Variants in EOGT observed in about 807,000 individuals in gnomAD.
EOGT encodes EGF domain-specific O-linked N-acetylglucosamine transferase.
In EOGT, 55 loss-of-function variants were observed where a neutral mutation model predicts 70.5. The ratio of observed to expected loss-of-function variants is 0.78; its 90% CI spans 0.63 to 0.98. The LOEUF is 0.98. Among genes scored for constraint, EOGT ranks in the 50% least tolerant of loss-of-function variants. The pLI, the probability that EOGT is intolerant of heterozygous loss-of-function variation, is 0.00. For synonymous variants in EOGT, 246 were observed against 217.1 expected (o/e 1.13, Z -1.17); for missense variants, 703 against 641.9 (o/e 1.10, Z -1.03).
At chr3:69,007,842 T>G in intron 5 of EOGT, 21 bp from the exon 6 acceptor site, 2 of 1,545,278 alleles carry the variant, frequency 1.3e-6, no homozygotes, top group Non-Finnish European at 1.8e-6. Flanking sequence ...ATAAAAATAT[T>G]CTGTGTTTTT....
intron 14 of EOGT, among the ~76,000 whole-genome samples, chr3:68,986,439 T>C (rs1484895950): frequency 6.6e-6 from 1 of 152,168 alleles, no homozygotes; most frequent in Non-Finnish European, 1.5e-5. Context: ...CACCAAGGTC[T>C]AGGAGGCTGA....
chr3:68,994,896 A>G (rs1331546114), intron 10 of EOGT, among the ~76,000 whole-genome samples: 3 of 152,198 alleles, frequency 2.0e-5, no homozygotes, highest in Admixed American at 6.5e-5. Flanking sequence ...GTTTGATAAG[A>G]GCAACCCTGC....
intron 10 of EOGT, among the ~76,000 whole-genome samples, chr3:68,996,953 G>A (rs1415586881): frequency 6.6e-6 from 1 of 152,114 alleles, no homozygotes; most frequent in Non-Finnish European, 1.5e-5. Flanking sequence ...TGTGTACCAG[G>A]CATGGTGACT....
At chr3:69,012,899 G>C (rs773025633) in intron 1 of EOGT, 100 bp from the exon 2 acceptor site, 3 of 152,314 alleles carry the variant, frequency 2.0e-5, no homozygotes, top group Non-Finnish European at 4.4e-5. Context: ...GTCGCAGAGA[G>C]AGAGAGCTTG....
intron 6 of EOGT, among the ~76,000 whole-genome samples, chr3:69,006,443 G>A (rs2091442337): frequency 6.6e-6 from 1 of 152,178 alleles, no homozygotes; most frequent in Non-Finnish European, 1.5e-5. Flanking sequence ...CAGTGTGGTT[G>A]GAGATCGGAG....
intron 3 of EOGT, among the ~76,000 whole-genome samples, chr3:69,011,098 A>G (rs1238796259): frequency 6.6e-6 from 1 of 151,158 alleles, no homozygotes; most frequent in Non-Finnish European, 1.5e-5. Context: ...TTTCTAATTC[A>G]CCCAGTAAGT....
In EOGT at chr3:69,009,743, T is replaced by C. The variant is rs567856422; in HGVS notation, c.104A>G (p.Tyr35Cys). 6.2e-6 allele frequency: 10 copies of C among 1,614,096 alleles called. No individual in the cohort carries two copies. The highest frequency in any genetic ancestry group is 4.5e-5 in the East Asian group (2 of 44,868). Residue 35 changes from tyrosine to cysteine, a missense_variant, in exon 4 of 18, where the codon TAT becomes TGT. By Grantham distance (194) the Tyr-to-Cys change is radical (BLOSUM62 -2). Coordinates refer to ENST00000383701, the MANE Select transcript of EOGT (RefSeq NM_001278689.2). Reference protein sequence around the residue: ...NTHSIPGEPLYNYASIRLPEE... With the variant: ...NTHSIPGEPLCNYASIRLPEE... ...TGGCAAGCGGATGCTGGCATAGTTA[T>C]ACAGAGGTTCGCCTGGAATGCTGTG... is the stretch of plus-strand genomic sequence containing the variant.
chr3:68,978,195 A>G, intron 17 of EOGT, 138 bp downstream of exon 17: 1 of 682,738 alleles, frequency 1.5e-6, no homozygotes, highest in Non-Finnish European at 2.5e-6. Flanking sequence ...TTGCAAATAT[A>G]AAATAAAACA....
At chr3:69,000,751 C>T (rs1481864984) in intron 9 of EOGT, among the ~76,000 whole-genome samples, 2 of 151,978 alleles carry the variant, frequency 1.3e-5, no homozygotes, top group African/African-American at 2.4e-5. Context: ...GTAACTAGTT[C>T]GCAAAGTTAA....
chr3:69,009,759 G>A lies in EOGT; in HGVS notation c.88C>T (p.Pro30Ser), dbSNP rs1474956923. 1.2e-6 allele frequency: 2 copies of A among 1,614,048 alleles called. No homozygotes were observed. The highest frequency in any genetic ancestry group is 1.7e-5 in the Admixed American group (1 of 60,010). Reference sequence around the variant, plus strand: ...GCATAGTTATACAGAGGTTCGCCTGGAATGCTGTGAGTATTAGGAGGAGCT... The same window carrying A: ...GCATAGTTATACAGAGGTTCGCCTGAAATGCTGTGAGTATTAGGAGGAGCT... ...NEAPPNTHSI[P>S]GEPLYNYASI... Residue 30 changes from proline to serine, a missense_variant, in exon 4 of 18, where the codon CCA becomes TCA. Transcript: ENST00000383701.
At chr3:68,986,908 G>C (rs951114951) in intron 14 of EOGT, among the ~76,000 whole-genome samples, 2 of 152,214 alleles carry the variant, frequency 1.3e-5, no homozygotes, top group Admixed American at 6.5e-5. Flanking sequence ...TTACTACTGA[G>C]AGGCTATCTT....
At chr3:68,984,774 A>G (rs1473945099) in intron 14 of EOGT, among the ~76,000 whole-genome samples, 1 of 149,998 alleles carries the variant, frequency 6.7e-6, no homozygotes, top group African/African-American at 2.5e-5. Flanking sequence ...TAAAGCATCT[A>G]CCAGCACTAT....
intron 10 of EOGT, among the ~76,000 whole-genome samples, chr3:68,995,245 G>C (rs9857339): frequency 0.012 from 1,811 of 152,214 alleles, 35 homozygotes; most frequent in African/African-American, 0.042. Flanking sequence ...CAACAAAAGG[G>C]AAACAGCAGC....
At chr3:69,007,584 A>G (rs2091470527) in intron 6 of EOGT, 129 bp downstream of exon 6, 1 of 374,326 alleles carries the variant, frequency 2.7e-6, no homozygotes. Flanking sequence ...CCTGGGAGGC[A>G]GAGGTTGCAG....
intron 10 of EOGT, among the ~76,000 whole-genome samples, chr3:68,991,969 G>A (rs188612222): frequency 3.3e-5 from 5 of 152,230 alleles, no homozygotes; most frequent in East Asian, 3.9e-4. Context: ...TCACTATCAC[G>A]AGAATAGCAT....
At chr3:69,009,992 T>A in intron 3 of EOGT, 132 bp from the exon 4 acceptor site, 1 of 682,472 alleles carries the variant, frequency 1.5e-6, no homozygotes, top group Non-Finnish European at 2.4e-6. Context: ...CACTTTGCTA[T>A]CCCACTGAAT....
intron 14 of EOGT, among the ~76,000 whole-genome samples, chr3:68,984,580 T>C (rs764004317): frequency 6.6e-6 from 1 of 152,192 alleles, no homozygotes; most frequent in Non-Finnish European, 1.5e-5. Context: ...AATCAAAGTA[T>C]AGCCAAAGGT....
At chr3:68,991,656 T>C (rs933299957) in intron 10 of EOGT, among the ~76,000 whole-genome samples, 1 of 152,182 alleles carries the variant, frequency 6.6e-6, no homozygotes, top group Admixed American at 6.5e-5. Context: ...TCCATAAGAA[T>C]ATAAACATAT....
intron 6 of EOGT, among the ~76,000 whole-genome samples, chr3:69,007,251 T>C (rs949128550): frequency 1.3e-5 from 2 of 152,338 alleles, no homozygotes; most frequent in East Asian, 1.9e-4. Flanking sequence ...TAAAATTCTA[T>C]GCCAATAACT....
Sources: allele counts gnomAD v4.1 joint callset (sites outside exome capture counted in the v4.1 genomes callset), GRCh38; gene constraint gnomAD v4.1.1; transcripts MANE v1.5; gene names NCBI Gene and HGNC (gene_info 2026-07-23, HGNC 2026-07-21).